The following AKAP10 variants were observed in gnomAD, a reference collection of about 807,000 sequenced individuals.
AKAP10 encodes A-kinase anchoring protein 10, also known as A-kinase anchor protein 10, mitochondrial.
Under a neutral mutation model 80.8 loss-of-function variants are expected in AKAP10, and 24 were observed. The ratio of observed to expected loss-of-function variants is 0.30; its 90% CI spans 0.22 to 0.42. AKAP10 has a LOEUF of 0.42. Among genes scored for constraint, AKAP10 ranks in the 10% least tolerant of loss-of-function variants. The pLI, the probability that AKAP10 is intolerant of heterozygous loss-of-function variation, is 1.00. For synonymous variants in AKAP10, 291 were observed against 277.7 expected (o/e 1.05, Z -0.48); for missense variants, 661 against 794.9 (o/e 0.83, Z 2.03).
chr17:19,959,043 C>A (rs1337335315), intron 3 of AKAP10, among the ~76,000 whole-genome samples: 1 of 151,722 alleles, frequency 6.6e-6, no homozygotes, highest in East Asian at 1.9e-4. Flanking sequence ...AGTAGAGATT[C>A]GGTTTCACCA....
At chr17:19,976,500 G>A (rs1233455884) in intron 1 of AKAP10, among the ~76,000 whole-genome samples, 1 of 151,136 alleles carries the variant, frequency 6.6e-6, no homozygotes, top group Non-Finnish European at 1.5e-5. Flanking sequence ...AACAAAAAAA[G>A]AAAACAAAAC....
intron 10 of AKAP10, among the ~76,000 whole-genome samples, chr17:19,930,384 G>C (rs1346531754): frequency 6.6e-6 from 1 of 152,060 alleles, no homozygotes; most frequent in Non-Finnish European, 1.5e-5. Context: ...ATTTTGAGGA[G>C]AATCAGGTAT....
intron 9 of AKAP10, among the ~76,000 whole-genome samples, chr17:19,934,314 T>C (rs762948034): frequency 3.9e-5 from 6 of 152,164 alleles, no homozygotes; most frequent in Non-Finnish European, 8.8e-5. Context: ...TGGTGATATA[T>C]GTGGATCATT....
chr17:19,915,937 T>C (rs550070906), intron 12 of AKAP10, among the ~76,000 whole-genome samples: 2 of 152,366 alleles, frequency 1.3e-5, no homozygotes, highest in African/African-American at 2.4e-5. Context: ...ACTTCCAATG[T>C]GTCCCTGACA....
intron 5 of AKAP10, among the ~76,000 whole-genome samples, chr17:19,946,235 TATTA>T (rs1341171729): frequency 1.1e-4 from 2 of 17,630 alleles, no homozygotes; most frequent in Non-Finnish European, 1.9e-4. Flanking sequence ...TATATATATA[TATTA>T]TATATATATA....
At chr17:19,957,369 G>A (rs1025162267) in intron 4 of AKAP10, among the ~76,000 whole-genome samples, 5 of 151,766 alleles carry the variant, frequency 3.3e-5, no homozygotes, top group Non-Finnish European at 5.9e-5. Context: ...GTGAAACCCC[G>A]TCTCTACTAA....
intron 10 of AKAP10, among the ~76,000 whole-genome samples, chr17:19,925,626 TAAAC>T (rs1379445486): frequency 5.4e-5 from 8 of 149,146 alleles, no homozygotes; most frequent in African/African-American, 1.7e-4. Flanking sequence ...ATAAAAGACA[TAAAC>T]AAGCTTAATG....
chr17:19,963,939 A>C (rs1370473482), intron 2 of AKAP10, among the ~76,000 whole-genome samples: 1 of 152,110 alleles, frequency 6.6e-6, no homozygotes, highest in Non-Finnish European at 1.5e-5. Context: ...AAAAATTCAT[A>C]AAATATATTT....
At chr17:19,916,198 C>A (rs2042740812) in intron 12 of AKAP10, among the ~76,000 whole-genome samples, 1 of 152,230 alleles carries the variant, frequency 6.6e-6, no homozygotes, top group South Asian at 2.1e-4. Context: ...CCTTTCCTGA[C>A]AACCACCTCG....
At chr17:19,977,080 G>T (rs868176487) in intron 1 of AKAP10, among the ~76,000 whole-genome samples, 60 of 152,234 alleles carry the variant, frequency 3.9e-4, no homozygotes, top group African/African-American at 1.4e-3. Flanking sequence ...CTTCCTGTTG[G>T]GGAACTTTAG....
chr17:19,955,088 G>A (rs999249835), intron 4 of AKAP10, among the ~76,000 whole-genome samples: 1 of 152,020 alleles, frequency 6.6e-6, no homozygotes. Context: ...CGGGTGTGGT[G>A]GTGCGTGCCT....
intron 8 of AKAP10, among the ~76,000 whole-genome samples, chr17:19,939,118 T>A (rs2043025599): frequency 6.6e-6 from 1 of 152,248 alleles, no homozygotes; most frequent in South Asian, 2.1e-4. Context: ...ATCATCTGCC[T>A]GACCAGATAT....
chr17:19,919,454 C>T (rs1187556015), intron 12 of AKAP10, among the ~76,000 whole-genome samples: 1 of 152,036 alleles, frequency 6.6e-6, no homozygotes, highest in African/African-American at 2.4e-5. Flanking sequence ...GAAGCCAAGG[C>T]GGATGGATTG....
In AKAP10 at chr17:19,946,229, T is replaced by TAAA. The variant is rs1401963818; in HGVS notation, c.976+1177_976+1178insTTT. ...TTTATATATATATATATTTTATATA[T>TAAA]ATATATATTATATATATATATATAT... On this transcript the variant is annotated intron_variant, in intron 5 of 14. Transcript: ENST00000225737. 7.8e-3 allele frequency among the ~76,000 whole-genome samples: 143 copies of TAAA among 18,410 alleles called. 2 individuals are homozygous for TAAA. The highest frequency in any genetic ancestry group is 0.011 in the Non-Finnish European group (115 of 10,264). The allele number at this position is 18,410 out of a possible 152,430, so 12.1% of individuals were successfully genotyped here.
intron 12 of AKAP10, among the ~76,000 whole-genome samples, chr17:19,910,610 AAAAAC>A (rs1356507629): frequency 6.6e-6 from 1 of 152,132 alleles, no homozygotes; most frequent in Non-Finnish European, 1.5e-5. Context: ...GCAAACATTA[AAAAAC>A]AAAACAAAAC....
intron 4 of AKAP10, among the ~76,000 whole-genome samples, chr17:19,949,121 A>T (rs1248694194): frequency 1.3e-5 from 2 of 152,196 alleles, no homozygotes; most frequent in East Asian, 3.8e-4. Context: ...GGATGATAAA[A>T]CAAATTTTAA....
rs536797422 is a variant in AKAP10 at position 19,922,136 on chromosome 17, C to T, written c.1752-2018G>A. On this transcript the variant is annotated intron_variant, in intron 11 of 14. Transcript: ENST00000225737. The stretch of plus-strand genomic sequence containing the variant: ...CCTTTTATAAGAATAATGCCAGGTG[C>T]GGTGGCTCATGTGTGTAATCCCAGC... Among the ~76,000 whole-genome samples, 25 of 151,678 alleles carry T rather than the reference C, an allele frequency of 1.6e-4. No individual in the cohort carries two copies. In the East Asian group the frequency reaches 2.2e-3, roughly 13 times the overall value.
At chr17:19,946,257 ATATATATATATATATATATT>A (rs1597510402) in intron 5 of AKAP10, among the ~76,000 whole-genome samples, 2 of 22,718 alleles carry the variant, frequency 8.8e-5, no homozygotes, top group East Asian at 1.3e-3. Flanking sequence ...ATATATATAT[ATATATATATATATATATATT>A]TTTTTTTTTT....
intron 1 of AKAP10, among the ~76,000 whole-genome samples, chr17:19,975,466 C>G (rs997448539): frequency 2.0e-5 from 3 of 152,164 alleles, no homozygotes; most frequent in Non-Finnish European, 4.4e-5. Context: ...TTTGAACATG[C>G]GATTCCCTGG....
Sources: allele counts gnomAD v4.1 joint callset (sites outside exome capture counted in the v4.1 genomes callset), GRCh38; gene constraint gnomAD v4.1.1; transcripts MANE v1.5; gene names NCBI Gene and HGNC (gene_info 2026-07-23, HGNC 2026-07-21).